Variants in GGA1 observed in about 807,000 individuals in gnomAD.
The protein encoded by GGA1 is golgi associated, gamma adaptin ear containing, ARF binding protein 1.
Under a neutral mutation model 76.9 loss-of-function variants are expected in GGA1, and 18 were observed. That is an observed-to-expected ratio of 0.23 (90% CI 0.16 to 0.35). The LOEUF (loss-of-function observed/expected upper bound fraction) is 0.35, where lower values mean the gene tolerates loss of function less well. GGA1 is among the 10% of genes least tolerant of loss of function. GGA1 has a pLI of 1.00. For synonymous variants in GGA1, 342 were observed against 354.7 expected, an observed-to-expected ratio of 0.96 and a Z score of 0.40; for missense variants, 755 against 859.0, an observed-to-expected ratio of 0.88 and a Z score of 1.51.
intron 1 of GGA1, 94 bp downstream of exon 1, chr22:37,608,997 C>T (rs941427482): frequency 3.7e-6 from 5 of 1,355,604 alleles, no homozygotes; most frequent in East Asian, 3.1e-5. Flanking sequence ...CGGGTCGCCC[C>T]CTCCTCACGC....
chr22:37,609,444 C>G, intron 1 of GGA1: 1 of 503,752 alleles, frequency 2.0e-6, no homozygotes, highest in Non-Finnish European at 2.7e-6. Context: ...TAGTCTCTAG[C>G]CACATAGTGA....
intron 1 of GGA1, chr22:37,609,338 C>A (rs1927032202): frequency 1.2e-5 from 13 of 1,097,300 alleles, no homozygotes; most frequent in Non-Finnish European, 1.5e-5. Flanking sequence ...TCTGGCCCTG[C>A]ATGGCGTTCC....
rs562323156 is a variant in GGA1, at chr22:37,630,307, A to G, written c.1331+137A>G. Reference sequence around the variant, plus strand: ...GTTTTGTAAGCAGCAGATGCCAAGCAGTGCACCTGCCTCTGGAAACACAAC... The same window carrying G: ...GTTTTGTAAGCAGCAGATGCCAAGCGGTGCACCTGCCTCTGGAAACACAAC... On this transcript the variant is annotated intron_variant, in intron 13 of 16. Transcript: ENST00000343632. The G allele has an allele frequency of 7.0e-4, 446 of 634,084 alleles. No individual in the cohort carries two copies. In the African/African-American group the frequency reaches 7.5e-3, roughly 11 times the overall value. The allele number at this position is 634,084 out of a possible 1,614,324, so 39.3% of individuals were successfully genotyped here.
intron 11 of GGA1, 154 bp downstream of exon 11, chr22:37,626,103 CTG>C: frequency 2.0e-6 from 1 of 497,930 alleles, no homozygotes; most frequent in Middle Eastern, 5.6e-4. Context: ...ACTGAGGAAA[CTG>C]AGGCTCGGGG....
At chr22:37,614,932 T>C (rs1431879969) in intron 2 of GGA1, among the ~76,000 whole-genome samples, 3 of 151,868 alleles carry the variant, frequency 2.0e-5, no homozygotes, top group Non-Finnish European at 4.4e-5. Context: ...TGAGCCGAGA[T>C]TGCGCCACTG....
intron 3 of GGA1, 164 bp from the exon 4 acceptor site, chr22:37,618,284 C>T (rs1232317466): frequency 6.8e-6 from 4 of 588,806 alleles, no homozygotes; most frequent in Non-Finnish European, 9.2e-6. Flanking sequence ...GAGTGATGAC[C>T]AGTCCCAGAG....
chr22:37,619,089 G>A (rs911055400), intron 4 of GGA1, among the ~76,000 whole-genome samples: 2 of 151,916 alleles, frequency 1.3e-5, no homozygotes, highest in African/African-American at 2.4e-5. Flanking sequence ...TTTTTGAGAT[G>A]GAGTCTTGCT....
At chr22:37,612,226 A>T (rs1927773369) in intron 1 of GGA1, among the ~76,000 whole-genome samples, 1 of 151,724 alleles carries the variant, frequency 6.6e-6, no homozygotes, top group Non-Finnish European at 1.5e-5. Flanking sequence ...GTACTTTGGG[A>T]GGCCGAGGCA....
chr22:37,620,940 G>A (rs769780187), intron 6 of GGA1, 27 bp downstream of exon 6: 1 of 1,414,172 alleles, frequency 7.1e-7, no homozygotes, highest in Non-Finnish European at 1.0e-6. Context: ...GCACATATGG[G>A]GACTCTGAGC....
At chr22:37,631,899 C>A in intron 14 of GGA1, 97 bp from the exon 15 acceptor site, 1 of 1,044,060 alleles carries the variant, frequency 9.6e-7, no homozygotes. Context: ...GTTGCCAGTA[C>A]AGCAGCCAGC....
chr22:37,631,165 C>T, intron 14 of GGA1, 66 bp downstream of exon 14: 1 of 1,304,108 alleles, frequency 7.7e-7, no homozygotes, highest in Non-Finnish European at 1.0e-6. Flanking sequence ...GGAGCTCTGT[C>T]TGGGGAAGCT....
intron 2 of GGA1, among the ~76,000 whole-genome samples, chr22:37,614,974 G>A (rs759410790): frequency 3.3e-5 from 5 of 152,124 alleles, no homozygotes; most frequent in Non-Finnish European, 5.9e-5. Context: ...GTGAGACTCT[G>A]TCTCGAAAAA....
chr22:37,620,140 C>T (rs1031734960), intron 4 of GGA1, 98 bp from the exon 5 acceptor site: 38 of 1,403,624 alleles, frequency 2.7e-5, no homozygotes, highest in East Asian at 9.1e-5. Flanking sequence ...GAGGGCTTCC[C>T]GGGGAGTCCT....
Position 37,624,564 on chromosome 22 carries a change from T to G in GGA1, c.833-405T>G. 2 of 164,270 alleles carry G rather than the reference T, an allele frequency of 1.2e-5. No individual in the cohort carries two copies. The highest frequency in any genetic ancestry group is 2.4e-5 in the African/African-American group (1 of 41,590). 10.2% of individuals were successfully genotyped at this position (164,270 alleles called of 1,614,324 possible). ...CAGTTCGTCACGGTGGTGAGTGGCATGGAGGAAGAGAAGCAGGGAAGGGAT... is the reference window on the plus strand; with the variant it reads ...CAGTTCGTCACGGTGGTGAGTGGCAGGGAGGAAGAGAAGCAGGGAAGGGAT... On this transcript the variant is annotated intron_variant, in intron 9 of 16. Transcript: ENST00000343632. The surrounding 1 kb of genome is among the most constrained non-coding windows in gnomAD (Gnocchi z 4.3).
At position 37,614,239 on chromosome 22, in the gene GGA1, C is replaced by T. The variant is rs769629006; in HGVS notation, c.93C>T (p.Asn31=). 2.6e-5 allele frequency: 42 copies of T among 1,613,688 alleles called. No homozygotes were observed. The highest frequency in any genetic ancestry group is 1.0e-4 in the Admixed American group (6 of 59,982). ...LNKELDWASI[N]GFCEQLNEDF... ...AGGAGCTCGACTGGGCCAGCATCAA[C>T]GGCTTCTGCGAGCAGCTCAACGAGG... is the stretch of plus-strand genomic sequence containing the variant. The change falls in exon 2 of 17, where the codon AAC becomes AAT. Residue 31 remains asparagine, a synonymous_variant. Transcript: ENST00000343632.
chr22:37,630,042 C>G lies in GGA1; in HGVS notation c.1203C>G (p.Ala401=), dbSNP rs761047461. Residue 401 remains alanine, a synonymous_variant, in exon 13 of 17, where the codon GCC becomes GCG. Transcript: ENST00000343632. ...TEPPAPALAQ[A]PSMESRPPAQ... is the part of the protein sequence containing the mutation. The stretch of plus-strand genomic sequence containing the variant: ...CCCCAGCCCCTGCTCTGGCCCAGGC[C>G]CCCAGTATGGAAAGCCGACCCCCAG... 4.4e-6 allele frequency: 7 copies of G among 1,602,148 alleles called. No individual in the cohort carries two copies. Among genetic ancestry groups the G allele is most frequent in the Non-Finnish European group, 6.0e-6 (7 of 1,172,284 alleles).
Position 37,632,843 on chromosome 22 carries a change from C to T in GGA1, c.*132C>T, listed in dbSNP as rs1418931155. The T allele has an allele frequency of 1.6e-6, 1 of 632,134 alleles. No homozygotes were observed. The highest frequency in any genetic ancestry group is 2.9e-6 in the Non-Finnish European group (1 of 347,498). 39.2% of individuals were successfully genotyped at this position (632,134 alleles called of 1,614,324 possible). A position where few individuals can be genotyped will look rare whatever the true frequency, so the allele number is the denominator to read the frequency against. ...CCCAGGCCTGGTGCTTCTCCCCACA[C>T]CCCTGTAGGCCTCAAGTGACTCTTC... is the stretch of plus-strand genomic sequence containing the variant. On this transcript the variant is annotated 3_prime_UTR_variant, in exon 17 of 17. Coordinates refer to ENST00000343632, the MANE Select transcript of GGA1 (RefSeq NM_013365.5). This position sits in a 1 kb window ranked among gnomAD's most constrained non-coding sequence, Gnocchi z 5.1.
chr22:37,611,991 A>C (rs2145874376), intron 1 of GGA1, among the ~76,000 whole-genome samples: 1 of 152,054 alleles, frequency 6.6e-6, no homozygotes, highest in Middle Eastern at 3.4e-3. Flanking sequence ...ATCTCTACCA[A>C]AAATACAAAA....
chr22:37,611,871 G>C (rs544290695), intron 1 of GGA1, among the ~76,000 whole-genome samples: 5 of 152,324 alleles, frequency 3.3e-5, no homozygotes, highest in Admixed American at 2.6e-4. Flanking sequence ...CAATATTTTG[G>C]TCAGGCACAG....
Sources: allele counts gnomAD v4.1 joint callset (sites outside exome capture counted in the v4.1 genomes callset), GRCh38; gene constraint gnomAD v4.1.1; non-coding constraint Gnocchi (gnomAD v3.1); transcripts MANE v1.5; gene names NCBI Gene and HGNC (gene_info 2026-07-23, HGNC 2026-07-21).